The following OGT variants were observed in gnomAD, a reference collection of about 807,000 sequenced individuals.
The protein encoded by OGT is UDP-N-acetylglucosamine--peptide N-acetylglucosaminyltransferase 110 kDa subunit.
Under a neutral mutation model 75.8 loss-of-function variants are expected in OGT, and 3 were observed. The observed-to-expected ratio is 0.04, with a 90% CI of 0.02 to 0.10. The LOEUF is 0.10. OGT is among the 10% of genes least tolerant of loss of function. The pLI, the probability that OGT is intolerant of heterozygous loss-of-function variation, is 1.00. For synonymous variants in OGT, 257 were observed against 289.7 expected, an observed-to-expected ratio of 0.89 and a Z score of 1.15; for missense variants, 260 against 824.4, an observed-to-expected ratio of 0.32 and a Z score of 8.38.
At chrX:71,540,985 T>G (rs2040214335) in intron 3 of OGT, among the ~76,000 whole-genome samples, 1 of 112,280 alleles carries the variant, frequency 8.9e-6, no homozygotes, top group Non-Finnish European at 1.9e-5. Flanking sequence ...CTGTTGTATT[T>G]GAAGGTGTTA....
At chrX:71,549,671 G>A (rs1400301997) in intron 5 of OGT, among the ~76,000 whole-genome samples, 2 of 110,601 alleles carry the variant, frequency 1.8e-5, no homozygotes, top group Non-Finnish European at 3.8e-5. Context: ...ACAGCTACTG[G>A]GGAGGCTGAG....
intron 12 of OGT, among the ~76,000 whole-genome samples, chrX:71,557,895 A>C (rs778996774): frequency 1.5e-4 from 17 of 111,162 alleles, no homozygotes; most frequent in Non-Finnish European, 3.2e-4. Context: ...TTAAACACTA[A>C]TGATAGACTG....
intron 3 of OGT, 102 bp from the exon 4 acceptor site, chrX:71,544,465 A>G: frequency 6.8e-6 from 5 of 734,528 alleles, no homozygotes; most frequent in Non-Finnish European, 1.0e-5. Flanking sequence ...TCTTTAGTTG[A>G]TAGAATAAAA....
intron 5 of OGT, among the ~76,000 whole-genome samples, chrX:71,548,865 A>G (rs1275009637): frequency 9.0e-6 from 1 of 111,516 alleles, no homozygotes; most frequent in African/African-American, 3.3e-5. Context: ...GACACAATTT[A>G]CCCATTTAAC....
chrX:71,548,930 CATATT>C lies in OGT; in HGVS notation c.648+909_648+913del, dbSNP rs2040281274. On this transcript the variant is annotated intron_variant, in intron 5 of 21. Transcript: ENST00000373719. ...TAAATGTTGGAATTAAAATAAAACTCATATTAAAGTTTTAAAAAAGGGCTTTGTAT... is the reference window on the plus strand; with the variant it reads ...TAAATGTTGGAATTAAAATAAAACTCAAAGTTTTAAAAAAGGGCTTTGTAT... 3.6e-5 allele frequency among the ~76,000 whole-genome samples: 4 copies of C among 111,325 alleles called. No homozygotes were observed. In the South Asian group the frequency reaches 1.5e-3, roughly 43 times the overall value.
chrX:71,554,599 G>A lies in OGT; in HGVS notation c.728+7G>A. 8.6e-7 allele frequency: 1 copy of A among 1,168,469 alleles called. No homozygotes were observed. Among genetic ancestry groups the A allele is most frequent in the Non-Finnish European group, 1.2e-6 (1 of 856,574 alleles). ...AGGCACGCATTTTTGACAGGTGAGAGAATGTTCTGTTTAATAAATTTTCTT... is the reference window on the plus strand; with the variant it reads ...AGGCACGCATTTTTGACAGGTGAGAAAATGTTCTGTTTAATAAATTTTCTT... On this transcript the variant is annotated splice_region_variant and intron_variant, in intron 6 of 21. Transcript: ENST00000373719.
chrX:71,561,499 A>G (rs1203853032), intron 14 of OGT, among the ~76,000 whole-genome samples: 1 of 109,740 alleles, frequency 9.1e-6, no homozygotes, highest in South Asian at 3.9e-4. Context: ...TCAAATACCA[A>G]TTTCTCTGTG....
In OGT at chrX:71,555,990, C is replaced by G; in HGVS notation, c.961C>G (p.Arg321Gly). 1 of 1,210,664 alleles carries G rather than the reference C, an allele frequency of 8.3e-7. No individual in the cohort carries two copies. The highest frequency in any genetic ancestry group is 1.1e-6 in the Non-Finnish European group (1 of 894,729). Residue 321 changes from arginine (R) to glycine (G), a missense_variant, in exon 8 of 22, where the codon CGT (arginine) becomes GGT (glycine). This residue lies in a region of OGT where 99 missense variants were observed against 417.9 expected (regional missense o/e 0.24). Transcript: ENST00000373719. ...AGAAGATTGTTATAATACAGCTCTC[C>G]GTCTGTGTCCCACCCATGCAGACTC... ...EAEDCYNTAL[R>G]LCPTHADSLN...
chrX:71,558,489 G>A (rs1386544360), intron 12 of OGT, among the ~76,000 whole-genome samples: 5 of 109,263 alleles, frequency 4.6e-5, no homozygotes, highest in African/African-American at 1.3e-4. Context: ...GCTTCCCGAG[G>A]AGCTAGGATT....
chrX:71,548,430 T>C (rs1471363539), intron 5 of OGT, among the ~76,000 whole-genome samples: 3 of 111,368 alleles, frequency 2.7e-5, no homozygotes. Context: ...AGTGAGACCC[T>C]GTCTCTAAGA....
intron 5 of OGT, among the ~76,000 whole-genome samples, chrX:71,549,652 GACAC>G (rs922849872): frequency 9.0e-6 from 1 of 110,825 alleles, no homozygotes; most frequent in African/African-American, 3.3e-5. Flanking sequence ...TATGCGTGGT[GACAC>G]ACACACAGCT....
In OGT at chrX:71,548,752, C is replaced by G. The variant is rs147095384; in HGVS notation, c.648+729C>G. The stretch of plus-strand genomic sequence containing the variant: ...GGGGAACAATAGACAGTGGGGCTTA[C>G]TTGAGGGTGGAGGGTGGGAGGAGTG... On this transcript the variant is annotated intron_variant, in intron 5 of 21. Coordinates refer to ENST00000373719, the MANE Select transcript of OGT (RefSeq NM_181672.3). Among the ~76,000 whole-genome samples the G allele has an allele frequency of 1.7e-3, 185 of 110,823 alleles. 1 individual carries two copies. The highest frequency in any genetic ancestry group is 5.9e-3 in the African/African-American group (181 of 30,454).
intron 1 of OGT, chrX:71,534,253 C>A (rs2040158570): frequency 9.0e-6 from 1 of 111,499 alleles, no homozygotes; most frequent in Non-Finnish European, 1.9e-5. Context: ...TCTCTTTATT[C>A]ACAGGGTGTA....
At chrX:71,572,068 C>T (rs1289645282) in intron 21 of OGT, among the ~76,000 whole-genome samples, 1 of 111,484 alleles carries the variant, frequency 9.0e-6, no homozygotes, top group African/African-American at 3.3e-5. Context: ...AGTGCCCAAC[C>T]GAGAAATACC....
intron 19 of OGT, among the ~76,000 whole-genome samples, chrX:71,565,640 AT>A (rs1463173233): frequency 8.9e-6 from 1 of 112,293 alleles, no homozygotes; most frequent in Non-Finnish European, 1.9e-5. Context: ...TATTCAAAGC[AT>A]TCTTCTGTCT....
Position 71,575,231 on chromosome X carries a change from A to C in OGT, c.*1437A>C, listed in dbSNP as rs1025409447. ...TTTTTGTCTGCTAGTAGTGTTCTAG[A>C]TTATGTCTTTCCAAAGCGCTGAGGC... On this transcript the variant is annotated 3_prime_UTR_variant, in exon 22 of 22. Transcript: ENST00000373719. 2.7e-5 allele frequency: 3 copies of C among 111,999 alleles called. No homozygotes were observed. Among genetic ancestry groups the C allele is most frequent in the African/African-American group, 9.8e-5 (3 of 30,745 alleles). 9.2% of individuals were successfully genotyped at this position (111,999 alleles called of 1,213,427 possible). A position where few individuals can be genotyped will look rare whatever the true frequency, so the allele number is the denominator to read the frequency against.
chrX:71,536,152 C>T, intron 1 of OGT, 26 bp from the exon 2 acceptor site: 5 of 1,153,062 alleles, frequency 4.3e-6, no homozygotes, highest in Non-Finnish European at 5.8e-6. Flanking sequence ...CCCCTCCTTC[C>T]CTCAAATGTT....
chrX:71,536,614 ACT>A, intron 2 of OGT: 1 of 267,091 alleles, frequency 3.7e-6, no homozygotes, highest in Non-Finnish European at 6.5e-6. Flanking sequence ...TGCTTTCTAG[ACT>A]CTGTTCAGGT....
intron 3 of OGT, among the ~76,000 whole-genome samples, 158 bp downstream of exon 3, chrX:71,538,230 G>T (rs1239368050): frequency 8.9e-6 from 1 of 112,532 alleles, no homozygotes; most frequent in Non-Finnish European, 1.9e-5. Flanking sequence ...TAGCTGGTCT[G>T]CGTTATGCTA....
Sources: allele counts gnomAD v4.1 joint callset (sites outside exome capture counted in the v4.1 genomes callset), GRCh38; gene constraint gnomAD v4.1.1; regional missense constraint gnomAD v4.1.1; transcripts MANE v1.5; gene names NCBI Gene and HGNC (gene_info 2026-07-23, HGNC 2026-07-21).